The following MIPOL1 variants were observed in gnomAD, a reference collection of about 807,000 sequenced individuals.
MIPOL1 encodes the protein mirror-image polydactyly 1, also known as mirror-image polydactyly gene 1 protein.
MIPOL1 carries 57 observed loss-of-function variants against 60.9 expected under a neutral mutation model. That is an observed-to-expected ratio of 0.94 (90% CI 0.76 to 1.17). MIPOL1 has a LOEUF of 1.17. Ranked by LOEUF, MIPOL1 falls within the 50% of genes most tolerant of loss-of-function variation. The pLI, the probability that MIPOL1 is intolerant of heterozygous loss-of-function variation, is 0.00. For synonymous variants in MIPOL1, 179 were observed against 168.8 expected (o/e 1.06, Z -0.47); for missense variants, 551 against 511.6 (o/e 1.08, Z -0.74).
chr14:37,293,851 C>T (rs866309817), intron 7 of MIPOL1, among the ~76,000 whole-genome samples: 51 of 152,314 alleles, frequency 3.3e-4, no homozygotes, highest in Middle Eastern at 3.4e-3. Context: ...CTCAAGGAGG[C>T]CTTCCTGCCT....
intron 10 of MIPOL1, among the ~76,000 whole-genome samples, chr14:37,412,580 G>A (rs927313818): frequency 6.6e-6 from 1 of 152,052 alleles, no homozygotes; most frequent in Non-Finnish European, 1.5e-5. Context: ...TTATATTATT[G>A]TATTGATATA....
intron 10 of MIPOL1, chr14:37,402,017 T>A (rs1315169293): frequency 6.6e-6 from 1 of 152,016 alleles, no homozygotes; most frequent in Non-Finnish European, 1.5e-5. Flanking sequence ...ATATCACTTA[T>A]GAGATGGTGC....
In MIPOL1 at chr14:37,432,788, T is replaced by C. The variant is rs111270194; in HGVS notation, c.1031+9839T>C. ...AAATAAAATATTTTCCGTGGTTGCT[T>C]TGTTTGGTCTGCATATCATTGGAAA... On this transcript the variant is annotated intron_variant, in intron 11 of 12. Coordinates refer to ENST00000684589, the MANE Select transcript of MIPOL1 (RefSeq NM_001388067.1). Among the ~76,000 whole-genome samples the C allele has an allele frequency of 2.1e-3, 323 of 152,308 alleles. 1 individual carries two copies. Among genetic ancestry groups the C allele is most frequent in the African/African-American group, 7.2e-3 (301 of 41,572 alleles).
rs888651832 is a variant in MIPOL1 at position 37,549,663 on chromosome 14, T to A, written c.*2692T>A. 1 of 151,960 alleles carries A rather than the reference T, an allele frequency of 6.6e-6. No homozygotes were observed. The highest frequency in any genetic ancestry group is 2.4e-5 in the African/African-American group (1 of 41,442). 9.4% of individuals were successfully genotyped at this position (151,960 alleles called of 1,614,324 possible). A position where few individuals can be genotyped will look rare whatever the true frequency, so the allele number is the denominator to read the frequency against. On this transcript the variant is annotated 3_prime_UTR_variant, in exon 13 of 13. Transcript: ENST00000684589. ...TGATAGTACCATCTCTTTCACATAC[T>A]ACATACAAATTCCCTAATAATCAAA...
intron 9 of MIPOL1, among the ~76,000 whole-genome samples, chr14:37,343,762 A>G (rs2090744497): frequency 6.6e-6 from 1 of 152,190 alleles, no homozygotes; most frequent in African/African-American, 2.4e-5. Context: ...CATATGATCA[A>G]TAAAAGGAAA....
chr14:37,210,805 A>G (rs1257796048), intron 1 of MIPOL1, among the ~76,000 whole-genome samples: 4 of 152,206 alleles, frequency 2.6e-5, no homozygotes, highest in Admixed American at 2.0e-4. Context: ...ATGTCTGGTT[A>G]TCATTTGACT....
intron 11 of MIPOL1, among the ~76,000 whole-genome samples, chr14:37,427,340 T>C (rs2093983689): frequency 6.6e-6 from 1 of 152,140 alleles, no homozygotes; most frequent in South Asian, 2.1e-4. Flanking sequence ...ATGATTCCAC[T>C]TATATGAGGT....
At chr14:37,308,029 C>A in intron 7 of MIPOL1, 27 bp from the exon 8 acceptor site, 1 of 1,601,350 alleles carries the variant, frequency 6.2e-7, no homozygotes, top group Non-Finnish European at 8.5e-7. Context: ...TGCTACTGAT[C>A]AGGCTTTCTG....
rs149551937 is a variant in MIPOL1, at chr14:37,398,633, C to T, written c.937-24222C>T. 9.6e-3 allele frequency among the ~76,000 whole-genome samples: 1,466 copies of T among 152,238 alleles called. 13 individuals carry two copies. Among genetic ancestry groups the T allele is most frequent in the Non-Finnish European group, 0.015 (1,013 of 68,014 alleles). On this transcript the variant is annotated intron_variant, in intron 10 of 12. Transcript: ENST00000684589. ...AAAGAAAAAACATTAAACAGTTTTG[C>T]GTATTTTGGGAAACTGAAAAGTGAC...
intron 9 of MIPOL1, among the ~76,000 whole-genome samples, chr14:37,343,272 A>G (rs922924106): frequency 6.6e-6 from 1 of 152,074 alleles, no homozygotes; most frequent in Non-Finnish European, 1.5e-5. Context: ...GTTTGAAGAA[A>G]CAAGTTACGT....
At chr14:37,227,459 G>C (rs75123066) in intron 1 of MIPOL1, among the ~76,000 whole-genome samples, 6,676 of 152,092 alleles carry the variant, frequency 0.044, 337 homozygotes, top group African/African-American at 0.12. Context: ...CACATCCAAG[G>C]TCTAAAACAT....
chr14:37,419,048 G>C (rs34781514), intron 10 of MIPOL1, among the ~76,000 whole-genome samples: 2 of 151,764 alleles, frequency 1.3e-5, no homozygotes, highest in African/African-American at 4.8e-5. Flanking sequence ...CCTCTATGTC[G>C]ATATTTATAG....
intron 10 of MIPOL1, 61 bp from the exon 11 acceptor site, chr14:37,422,794 G>C: frequency 9.4e-7 from 1 of 1,068,732 alleles, no homozygotes; most frequent in Non-Finnish European, 1.4e-6. Context: ...TCTTACCGTG[G>C]TACTGTATTT....
Position 37,515,307 on chromosome 14 carries a change from C to A in MIPOL1, c.1262+15169C>A, listed in dbSNP as rs187259756. On this transcript the variant is annotated intron_variant, in intron 12 of 12. Transcript: ENST00000684589. ...TAAATATAATGAAAAAAAAAAAAAG[C>A]TATACTATTGTAGACTACTTTAGCA... Among the ~76,000 whole-genome samples, 319 of 149,392 alleles carry A rather than the reference C, an allele frequency of 2.1e-3. 2 individuals are homozygous for A. Among genetic ancestry groups the A allele is most frequent in the Middle Eastern group, 3.5e-3 (1 of 286 alleles).
At chr14:37,497,679 A>G (rs1302577444) in intron 11 of MIPOL1, among the ~76,000 whole-genome samples, 2 of 152,206 alleles carry the variant, frequency 1.3e-5, no homozygotes, top group Admixed American at 6.5e-5. Flanking sequence ...TGTCTCAACC[A>G]ATCAATAATA....
chr14:37,376,995 C>T (rs1182957408), intron 10 of MIPOL1, among the ~76,000 whole-genome samples: 1 of 152,036 alleles, frequency 6.6e-6, no homozygotes, highest in Admixed American at 6.6e-5. Flanking sequence ...TATGGCATCA[C>T]CTATCATTTT....
chr14:37,394,267 C>T (rs1261797975), intron 10 of MIPOL1, among the ~76,000 whole-genome samples: 6 of 151,454 alleles, frequency 4.0e-5, no homozygotes, highest in East Asian at 2.0e-4. Flanking sequence ...TTTTTCTCTG[C>T]ATAGATACCC....
intron 11 of MIPOL1, among the ~76,000 whole-genome samples, chr14:37,435,213 T>A (rs1379521809): frequency 1.3e-5 from 2 of 152,216 alleles, no homozygotes; most frequent in African/African-American, 4.8e-5. Context: ...AACATGTTTC[T>A]ACTCTTGGTT....
At chr14:37,347,487 A>T (rs576502780) in intron 9 of MIPOL1, among the ~76,000 whole-genome samples, 29 of 152,344 alleles carry the variant, frequency 1.9e-4, no homozygotes, top group South Asian at 1.2e-3. Context: ...TAAATTAAAA[A>T]TGAGTTGTAG....
Sources: gnomAD v4.1 joint callset for allele counts (sites outside exome capture counted in the v4.1 genomes callset) on GRCh38, gnomAD v4.1.1 for gene constraint, MANE v1.5 for transcripts, NCBI Gene and HGNC (gene_info 2026-07-23, HGNC 2026-07-21) for gene names.